The following TCAIM variants were observed in gnomAD, a reference collection of about 807,000 sequenced individuals.
The protein encoded by TCAIM is T-cell activation inhibitor, mitochondrial.
TCAIM carries 36 observed loss-of-function variants against 58.6 expected under a neutral mutation model. That is an observed-to-expected ratio of 0.61 (90% CI 0.47 to 0.81). The LOEUF (loss-of-function observed/expected upper bound fraction) is 0.81, where lower values mean the gene tolerates loss of function less well. Among genes scored for constraint, TCAIM ranks in the 30% least tolerant of loss-of-function variants. TCAIM has a pLI of 0.00. For synonymous variants in TCAIM, 172 were observed against 193.6 expected (o/e 0.89, Z 0.93); for missense variants, 466 against 579.6 (o/e 0.80, Z 2.01).
chr3:44,372,589 T>TC lies in TCAIM; in HGVS notation c.572+4881_572+4882insC, dbSNP rs1701496316. Among the ~76,000 whole-genome samples the TC allele has an allele frequency of 2.0e-5, 3 of 149,110 alleles. No homozygotes were observed. The South Asian group carries it at 6.3e-4, about 31-fold the overall frequency. On this transcript the variant is annotated intron_variant, in intron 5 of 10. Transcript: ENST00000342649. Reference sequence around the variant, plus strand: ...TACATTCATTGGATCAAAACTTTCTTTTTTTTTTTTTTCTTTTTTTAAGAC... The same window carrying TC: ...TACATTCATTGGATCAAAACTTTCTTCTTTTTTTTTTTTCTTTTTTTAAGAC...
intron 1 of TCAIM, among the ~76,000 whole-genome samples, chr3:44,345,205 G>T (rs532226302): frequency 6.6e-6 from 1 of 152,274 alleles, no homozygotes; most frequent in East Asian, 1.9e-4. Flanking sequence ...AGATTCTGTG[G>T]TAAGAGGTGA....
chr3:44,366,911 C>T (rs1217813317), intron 4 of TCAIM, among the ~76,000 whole-genome samples: 1 of 152,138 alleles, frequency 6.6e-6, no homozygotes, highest in Non-Finnish European at 1.5e-5. Flanking sequence ...AATTTTAAAT[C>T]ACTCCTGAAA....
At chr3:44,354,849 C>CG (rs1701161539) in intron 2 of TCAIM, 38 bp downstream of exon 2, 4 of 1,595,892 alleles carry the variant, frequency 2.5e-6, no homozygotes, top group South Asian at 2.3e-5. Flanking sequence ...AGTATTGTGG[C>CG]GGGGGGAGGT....
chr3:44,360,209 C>T (rs115814895), intron 3 of TCAIM, among the ~76,000 whole-genome samples: 267 of 152,114 alleles, frequency 1.8e-3, no homozygotes, highest in Non-Finnish European at 3.1e-3. Flanking sequence ...TACCCTATTT[C>T]CTTATTTGTG....
At chr3:44,347,940 T>G (rs556323720) in intron 1 of TCAIM, among the ~76,000 whole-genome samples, 1 of 152,116 alleles carries the variant, frequency 6.6e-6, no homozygotes, top group African/African-American at 2.4e-5. Context: ...GGCAATGAGG[T>G]GTGGCTGTAG....
intron 5 of TCAIM, among the ~76,000 whole-genome samples, chr3:44,373,657 AAAAG>A (rs959012885): frequency 5.3e-5 from 8 of 152,172 alleles, no homozygotes; most frequent in Non-Finnish European, 8.8e-5. Context: ...CTGTCTGAAA[AAAAG>A]AGAAAAGAAA....
chr3:44,392,957 A>G lies in TCAIM; in HGVS notation c.675A>G (p.Gln225=), dbSNP rs1033577987. The change falls in exon 6 of 11, where the codon CAA becomes CAG. Residue 225 remains glutamine (Q), a synonymous_variant. Transcript: ENST00000342649. ...GTTTAAAAGATGAACTGTCTCATCAATTGCAACTCTCAGATATCAGGTAAG... is the reference window on the plus strand; with the variant it reads ...GTTTAAAAGATGAACTGTCTCATCAGTTGCAACTCTCAGATATCAGGTAAG... ...LDRLKDELSH[Q]LQLSDIRWQR... 3.1e-6 allele frequency: 5 copies of G among 1,611,856 alleles called. No homozygotes were observed. Among genetic ancestry groups the G allele is most frequent in the Admixed American group, 1.7e-5 (1 of 59,530 alleles).
At chr3:44,362,714 A>G (rs1005348293) in intron 4 of TCAIM, 5 of 293,944 alleles carry the variant, frequency 1.7e-5, no homozygotes, top group Non-Finnish European at 2.5e-5. Context: ...AGAATGCTGT[A>G]AATAATGAAT....
intron 5 of TCAIM, among the ~76,000 whole-genome samples, chr3:44,368,537 G>A (rs988175347): frequency 3.9e-5 from 6 of 152,238 alleles, no homozygotes; most frequent in African/African-American, 1.2e-4. Flanking sequence ...AGAAGTATGT[G>A]TCTGAAGACG....
intron 5 of TCAIM, among the ~76,000 whole-genome samples, chr3:44,373,793 G>A (rs1701521012): frequency 6.6e-6 from 1 of 152,014 alleles, no homozygotes; most frequent in Non-Finnish European, 1.5e-5. Context: ...TCTATATTTT[G>A]GGTATATTCT....
rs1401456414 is a variant in TCAIM at position 44,403,094 on chromosome 3, C to T, written c.1250+1760C>T. Among the ~76,000 whole-genome samples the T allele has an allele frequency of 3.3e-5, 5 of 152,046 alleles. No homozygotes were observed. The South Asian group carries it at 6.2e-4, about 19-fold the overall frequency. On this transcript the variant is annotated intron_variant, in intron 10 of 10. Coordinates refer to ENST00000342649, the MANE Select transcript of TCAIM (RefSeq NM_173826.4). ...GACCAGCCTGGCCAACATGGTGAAA[C>T]GCCGTCTCTACTAAAAATATAAAAA...
At chr3:44,362,405 TC>T in intron 4 of TCAIM, 1 of 400,712 alleles carries the variant, frequency 2.5e-6, no homozygotes, top group Non-Finnish European at 4.4e-6. Flanking sequence ...CACCTCACCC[TC>T]CCCCGGCTCT....
At chr3:44,370,751 T>C (rs1459008637) in intron 5 of TCAIM, among the ~76,000 whole-genome samples, 96 of 33,132 alleles carry the variant, frequency 2.9e-3, no homozygotes, top group African/African-American at 5.3e-3. Context: ...TCTTTCTTTC[T>C]TTCTTTTTTT....
intron 1 of TCAIM, among the ~76,000 whole-genome samples, chr3:44,345,031 T>C (rs186220780): frequency 2.9e-4 from 44 of 152,290 alleles, no homozygotes; most frequent in African/African-American, 9.4e-4. Flanking sequence ...CTGACATTCC[T>C]GTCTTCTTAC....
intron 1 of TCAIM, among the ~76,000 whole-genome samples, chr3:44,341,729 G>A (rs1700858102): frequency 6.6e-6 from 1 of 152,146 alleles, no homozygotes; most frequent in South Asian, 2.1e-4. Flanking sequence ...AGTTGCAACT[G>A]TAATGAATTT....
intron 4 of TCAIM, chr3:44,362,491 G>A (rs1412514473): frequency 7.5e-6 from 3 of 400,708 alleles, no homozygotes; most frequent in Non-Finnish European, 1.3e-5. Context: ...TCCTCACCCA[G>A]TCTCTCCAGG....
At chr3:44,358,030 T>C (rs1701230762) in intron 3 of TCAIM, among the ~76,000 whole-genome samples, 154 bp downstream of exon 3, 1 of 152,216 alleles carries the variant, frequency 6.6e-6, no homozygotes, top group Admixed American at 6.5e-5. Context: ...TACTGAAAAT[T>C]GAAAATAGAG....
intron 3 of TCAIM, chr3:44,358,088 C>T (rs1246913378): frequency 7.2e-7 from 1 of 1,392,112 alleles, no homozygotes; most frequent in Non-Finnish European, 9.4e-7. Context: ...ATAAAGCTGT[C>T]ATTTAAACTC....
intron 10 of TCAIM, among the ~76,000 whole-genome samples, 164 bp downstream of exon 10, chr3:44,401,498 C>T (rs1350691687): frequency 6.6e-6 from 1 of 152,152 alleles, no homozygotes; most frequent in East Asian, 1.9e-4. Flanking sequence ...AATTATATTA[C>T]CACCACGGAC....
Sources: gnomAD v4.1 joint callset for allele counts (sites outside exome capture counted in the v4.1 genomes callset) on GRCh38, gnomAD v4.1.1 for gene constraint, MANE v1.5 for transcripts, NCBI Gene and HGNC (gene_info 2026-07-23, HGNC 2026-07-21) for gene names.